IGF1R: variants seen among roughly 807,000 people sequenced by gnomAD.
IGF1R encodes the protein insulin-like growth factor 1 receptor.
A neutral mutation model predicts 144.6 loss-of-function variants in IGF1R; 44 were observed. The ratio of observed to expected loss-of-function variants is 0.30; its 90% confidence interval spans 0.24 to 0.39. IGF1R has a LOEUF of 0.39. Ranked by LOEUF, IGF1R falls within the 10% of genes least tolerant of loss-of-function variation. IGF1R has a pLI of 1.00. For missense variants in IGF1R, 1,355 were observed against 1,833.7 expected (o/e 0.74, Z 4.77); for synonymous variants, 795 against 722.8 (o/e 1.10, Z -1.60).
intron 2 of IGF1R, among the ~76,000 whole-genome samples, chr15:98,724,175 T>G (rs1479290512): frequency 6.6e-6 from 1 of 152,192 alleles, no homozygotes; most frequent in Non-Finnish European, 1.5e-5. Flanking sequence ...ATCATTAACT[T>G]TTTCTATTGT....
rs886051572 is a variant in IGF1R at position 98,958,596 on chromosome 15, C to CTG, written c.*1155_*1156insGT. 3 of 232,740 alleles carry CTG rather than the reference C, an allele frequency of 1.3e-5. No homozygotes were observed. The East Asian group carries it at 1.8e-4, about 14-fold the overall frequency. 14.4% of individuals were successfully genotyped at this position (232,740 alleles called of 1,614,324 possible). A position where few individuals can be genotyped will look rare whatever the true frequency, so the allele number is the denominator to read the frequency against. On this transcript the variant is annotated 3_prime_UTR_variant, in exon 21 of 21. Coordinates refer to ENST00000650285, the MANE Select transcript of IGF1R (RefSeq NM_000875.5). Reference sequence around the variant, plus strand: ...CTGTTCCTAGGACTTCTTCATGGGTCTTACAGTTCTATGTTAGACCATGAA... The same window carrying CTG: ...CTGTTCCTAGGACTTCTTCATGGGTCTGTTACAGTTCTATGTTAGACCATGAA...
At chr15:98,761,327 C>G (rs545269572) in intron 2 of IGF1R, among the ~76,000 whole-genome samples, 1 of 152,214 alleles carries the variant, frequency 6.6e-6, no homozygotes, top group Admixed American at 6.5e-5. Context: ...GTTGCAGGGG[C>G]AGAGAGGGAG....
chr15:98,819,109 C>A (rs1039890941), intron 2 of IGF1R, among the ~76,000 whole-genome samples: 5 of 152,018 alleles, frequency 3.3e-5, no homozygotes, highest in African/African-American at 1.2e-4. Flanking sequence ...GTCAGAAATG[C>A]CTCAGACATC....
At chr15:98,764,328 G>GT (rs1190287655) in intron 2 of IGF1R, among the ~76,000 whole-genome samples, 5 of 152,056 alleles carry the variant, frequency 3.3e-5, no homozygotes, top group Non-Finnish European at 7.4e-5. Context: ...TTGTTATTGT[G>GT]TTTTTTGTTT....
Position 98,960,728 on chromosome 15 carries a change from A to G in IGF1R, c.*3286A>G, listed in dbSNP as rs910108493. On this transcript the variant is annotated 3_prime_UTR_variant, in exon 21 of 21. Transcript: ENST00000650285. ...TCACCCAGCCTGTGCGCCAGAATGC[A>G]GAGGCTCCTGACCTCACAGCCAGTC... 6 of 233,338 alleles carry G rather than the reference A, an allele frequency of 2.6e-5. No individual in the cohort carries two copies. Among genetic ancestry groups the G allele is most frequent in the Non-Finnish European group, 3.4e-5 (4 of 118,140 alleles). The allele number at this position is 233,338 out of a possible 1,614,324, so 14.5% of individuals were successfully genotyped here. A position where few individuals can be genotyped will look rare whatever the true frequency, so the allele number is the denominator to read the frequency against.
chr15:98,813,358 C>A (rs1001319703), intron 2 of IGF1R, among the ~76,000 whole-genome samples: 2 of 152,194 alleles, frequency 1.3e-5, no homozygotes, highest in Non-Finnish European at 2.9e-5. Flanking sequence ...TATTGCCCTA[C>A]CTTAATCACC....
At position 98,948,667 on chromosome 15, in the gene IGF1R, G is replaced by A. The variant is rs2016650358; in HGVS notation, c.3681G>A (p.Glu1227=). Residue 1227 remains glutamate, a synonymous_variant, in exon 20 of 21, where the codon GAG becomes GAA. Coordinates refer to ENST00000650285, the MANE Select transcript of IGF1R (RefSeq NM_000875.5). The part of the protein sequence containing the change: ...SNEQVLRFVM[E]GGLLDKPDNC... ...AGCAAGTCCTTCGCTTCGTCATGGA[G>A]GGCGGCCTTCTGGACAAGCCAGACA... 6.2e-7 allele frequency: 1 copy of A among 1,614,188 alleles called. No individual in the cohort carries two copies. Among genetic ancestry groups the A allele is most frequent in the Non-Finnish European group, 8.5e-7 (1 of 1,180,030 alleles).
In IGF1R at chr15:98,813,650, G is replaced by A. The variant is rs187338379; in HGVS notation, c.641-77675G>A. 1.4e-4 allele frequency among the ~76,000 whole-genome samples: 22 copies of A among 152,336 alleles called. No homozygotes were observed. The East Asian group carries it at 2.1e-3, about 15-fold the overall frequency. ...TTGTCTTTTAACTGTTGGCCTCACC[G>A]TACCTGAATAGCAGTAAACCCTACA... is the stretch of plus-strand genomic sequence containing the variant. On this transcript the variant is annotated intron_variant, in intron 2 of 20. Coordinates refer to ENST00000650285, the MANE Select transcript of IGF1R (RefSeq NM_000875.5).
At chr15:98,705,801 G>A (rs1194799801) in intron 1 of IGF1R, among the ~76,000 whole-genome samples, 4 of 152,146 alleles carry the variant, frequency 2.6e-5, no homozygotes, top group African/African-American at 9.7e-5. Flanking sequence ...CTTCTCTCCC[G>A]CTCAGGAGCC....
At chr15:98,835,003 T>C (rs1452401822) in intron 2 of IGF1R, among the ~76,000 whole-genome samples, 2 of 151,916 alleles carry the variant, frequency 1.3e-5, no homozygotes, top group African/African-American at 4.8e-5. Context: ...AGGCTTATAT[T>C]GAGTGAAAAG....
intron 1 of IGF1R, among the ~76,000 whole-genome samples, chr15:98,687,167 C>T (rs1052389953): frequency 6.6e-6 from 1 of 152,188 alleles, no homozygotes; most frequent in African/African-American, 2.4e-5. Context: ...CAGACCTGTG[C>T]TGGTTTGGCC....
chr15:98,952,555 T>TGAGTTCTGCTTCTG (rs1186743293), intron 20 of IGF1R, among the ~76,000 whole-genome samples: 2 of 152,188 alleles, frequency 1.3e-5, no homozygotes, highest in Admixed American at 1.3e-4. Context: ...AAAGCAGGTG[T>TGAGTTCTGCTTCTG]GAGTTCTGCT....
At chr15:98,666,832 T>G (rs774846707) in intron 1 of IGF1R, among the ~76,000 whole-genome samples, 19 of 152,268 alleles carry the variant, frequency 1.2e-4, no homozygotes, top group Non-Finnish European at 2.8e-4. Flanking sequence ...TTACGGTGGT[T>G]GAGCAACATT....
intron 2 of IGF1R, among the ~76,000 whole-genome samples, chr15:98,845,384 C>T (rs555020819): frequency 2.5e-3 from 347 of 138,740 alleles, no homozygotes; most frequent in African/African-American, 9.0e-3. Flanking sequence ...TCCTCCTCCT[C>T]CCCTCCCTCC....
intron 1 of IGF1R, among the ~76,000 whole-genome samples, chr15:98,669,679 C>T (rs2052837977): frequency 6.6e-6 from 1 of 152,210 alleles, no homozygotes; most frequent in African/African-American, 2.4e-5. Flanking sequence ...GAAACACTGA[C>T]TTCCCTCCAT....
chr15:98,923,336 A>G lies in IGF1R; in HGVS notation c.2486-540A>G, dbSNP rs565594977. The stretch of plus-strand genomic sequence containing the variant: ...ACCAGCCTCCTAGCAGCTTCCTCAC[A>G]GGCCGGGCTCGGGGCCATCCTTCGT... On this transcript the variant is annotated intron_variant, in intron 11 of 20. Transcript: ENST00000650285. Among the ~76,000 whole-genome samples the G allele has an allele frequency of 6.6e-5, 10 of 152,360 alleles. No homozygotes were observed. In the South Asian group the frequency reaches 2.1e-3, roughly 32 times the overall value.
chr15:98,833,878 T>G lies in IGF1R; in HGVS notation c.641-57447T>G, dbSNP rs1170092276. Among the ~76,000 whole-genome samples, 4 of 152,304 alleles carry G rather than the reference T, an allele frequency of 2.6e-5. No homozygotes were observed. The East Asian group carries it at 5.8e-4, about 22-fold the overall frequency. ...TATCTAGAGGCAGCCAAAAAAATAT[T>G]CATGCTTGCATAGTCAGGGTCCTCA... On this transcript the variant is annotated intron_variant, in intron 2 of 20. Coordinates refer to ENST00000650285, the MANE Select transcript of IGF1R (RefSeq NM_000875.5).
chr15:98,847,574 G>T (rs191650531), intron 2 of IGF1R, among the ~76,000 whole-genome samples: 2 of 152,162 alleles, frequency 1.3e-5, no homozygotes, highest in African/African-American at 2.4e-5. Context: ...GAAGAGTCCA[G>T]CATGCAGGAA....
At chr15:98,913,350 A>G in intron 8 of IGF1R, 68 bp downstream of exon 8, 1 of 1,229,646 alleles carries the variant, frequency 8.1e-7, no homozygotes, top group Non-Finnish European at 1.2e-6. Context: ...TGCTTGTACC[A>G]GGTGTCATTG....
Sources: gnomAD v4.1 joint callset for allele counts (sites outside exome capture counted in the v4.1 genomes callset) on GRCh38, gnomAD v4.1.1 for gene constraint, MANE v1.5 for transcripts, NCBI Gene and HGNC (gene_info 2026-07-23, HGNC 2026-07-21) for gene names.